Variants in UBXN7 observed in about 807,000 individuals in gnomAD.
UBXN7 encodes the protein UBX domain protein 7.
In UBXN7, 9 loss-of-function variants were observed where a neutral mutation model predicts 58.0. That is an observed-to-expected ratio of 0.16 (90% CI 0.09 to 0.27). The LOEUF is 0.27. UBXN7 is among the 10% of genes least tolerant of loss of function. UBXN7 has a pLI of 1.00. For missense variants in UBXN7, 328 were observed against 599.6 expected, an observed-to-expected ratio of 0.55 and a Z score of 4.73; for synonymous variants, 208 against 205.0, an observed-to-expected ratio of 1.01 and a Z score of -0.12.
chr3:196,424,764 G>C (rs1487560562), intron 1 of UBXN7, among the ~76,000 whole-genome samples: 2 of 145,222 alleles, frequency 1.4e-5, no homozygotes, highest in Non-Finnish European at 3.0e-5. Context: ...GTGCAATGGC[G>C]TGATCTCAGC....
In UBXN7 at chr3:196,354,872, T is replaced by C. The variant is rs934946675; in HGVS notation, c.*1813A>G. ...ATATATTTATAAATATTTATACAAT[T>C]ATATACTTATACATAAGCACTTACA... On this transcript the variant is annotated 3_prime_UTR_variant, in exon 11 of 11. Transcript: ENST00000296328. 5.3e-5 allele frequency: 8 copies of C among 151,462 alleles called. No homozygotes were observed. The highest frequency in any genetic ancestry group is 1.0e-4 in the Non-Finnish European group (7 of 67,872). The allele number at this position is 151,462 out of a possible 1,614,324, so 9.4% of individuals were successfully genotyped here.
chr3:196,401,381 AT>A (rs999631015), intron 3 of UBXN7, among the ~76,000 whole-genome samples: 21 of 149,026 alleles, frequency 1.4e-4, no homozygotes, highest in African/African-American at 4.4e-4. Context: ...AAAAAGGTTT[AT>A]CTCATAAAAA....
intron 3 of UBXN7, 118 bp from the exon 4 acceptor site, chr3:196,393,737 A>C (rs1560232045): frequency 2.1e-6 from 2 of 955,068 alleles, no homozygotes; most frequent in Non-Finnish European, 1.5e-6. Context: ...CACGAACTGC[A>C]TGTCACCCTT....
intron 2 of UBXN7, among the ~76,000 whole-genome samples, chr3:196,404,479 G>T (rs1246704918): frequency 6.6e-6 from 1 of 151,902 alleles, no homozygotes; most frequent in African/African-American, 2.4e-5. Flanking sequence ...AGCCAGGATG[G>T]TCTCAATCTC....
intron 5 of UBXN7, among the ~76,000 whole-genome samples, chr3:196,376,052 A>G (rs1407193886): frequency 6.6e-6 from 1 of 152,196 alleles, no homozygotes; most frequent in Admixed American, 6.5e-5. Flanking sequence ...AAGAAAATGA[A>G]GGATTTGAAC....
At chr3:196,359,961 G>C (rs1406709510) in intron 10 of UBXN7, among the ~76,000 whole-genome samples, 3 of 151,608 alleles carry the variant, frequency 2.0e-5, no homozygotes, top group Non-Finnish European at 4.4e-5. Context: ...TGCTGAAAAG[G>C]AGAAAGTTTT....
chr3:196,368,385 G>C (rs1414459565), intron 7 of UBXN7, among the ~76,000 whole-genome samples: 1 of 151,716 alleles, frequency 6.6e-6, no homozygotes, highest in Admixed American at 6.6e-5. Flanking sequence ...TTAAAAACCA[G>C]GATCTATAAA....
intron 3 of UBXN7, among the ~76,000 whole-genome samples, chr3:196,398,917 G>A (rs774627852): frequency 5.3e-5 from 8 of 152,046 alleles, no homozygotes; most frequent in Non-Finnish European, 7.4e-5. Flanking sequence ...CAAAGTGTTC[G>A]GATTACAGGT....
At chr3:196,382,887 A>T (rs1479758358) in intron 5 of UBXN7, among the ~76,000 whole-genome samples, 1 of 152,162 alleles carries the variant, frequency 6.6e-6, no homozygotes, top group African/African-American at 2.4e-5. Flanking sequence ...AGGCCAAGGC[A>T]GGCAGATCAC....
At chr3:196,382,951 T>G (rs2108840176) in intron 5 of UBXN7, among the ~76,000 whole-genome samples, 1 of 151,856 alleles carries the variant, frequency 6.6e-6, no homozygotes, top group African/African-American at 2.4e-5. Context: ...CCGTCTCTAC[T>G]AAAAATACAA....
chr3:196,375,466 TAATTG>T (rs987503088), intron 5 of UBXN7, among the ~76,000 whole-genome samples: 1 of 152,058 alleles, frequency 6.6e-6, no homozygotes, highest in Admixed American at 6.5e-5. Context: ...AGATTTAAAA[TAATTG>T]AATATATGCA....
intron 1 of UBXN7, among the ~76,000 whole-genome samples, chr3:196,417,131 G>A (rs1006829019): frequency 2.0e-5 from 3 of 152,146 alleles, no homozygotes; most frequent in Admixed American, 2.0e-4. Context: ...GGCTAACACG[G>A]TGAAACCCCG....
At chr3:196,371,002 T>A (rs1424872762) in intron 6 of UBXN7, among the ~76,000 whole-genome samples, 1 of 152,048 alleles carries the variant, frequency 6.6e-6, no homozygotes, top group Non-Finnish European at 1.5e-5. Flanking sequence ...GCAGCCTGGG[T>A]GACAGAGCAA....
chr3:196,397,567 A>T (rs1226640561), intron 3 of UBXN7: 1 of 152,322 alleles, frequency 6.6e-6, no homozygotes, highest in African/African-American at 2.4e-5. Context: ...CACAGGCACA[A>T]TCCCACTACT....
rs896885912 is a variant in UBXN7 at position 196,348,001 on chromosome 3, C to T, written c.*8684G>A. On this transcript the variant is annotated 3_prime_UTR_variant, in exon 11 of 11. Coordinates refer to ENST00000296328, the MANE Select transcript of UBXN7 (RefSeq NM_015562.2). ...CCTTCTGGAAATTATTACCTATAGA[C>T]TAGGTAGATCTATAGGTAGATCACA... 2 of 152,152 alleles carry T rather than the reference C, an allele frequency of 1.3e-5. No individual in the cohort carries two copies. Among genetic ancestry groups the T allele is most frequent in the Non-Finnish European group, 2.9e-5 (2 of 68,044 alleles). 9.4% of individuals were successfully genotyped at this position (152,152 alleles called of 1,614,324 possible).
intron 1 of UBXN7, among the ~76,000 whole-genome samples, chr3:196,409,982 C>T (rs1178970347): frequency 6.6e-6 from 1 of 151,474 alleles, no homozygotes; most frequent in East Asian, 1.9e-4. Context: ...CTCTCATCAC[C>T]CAGGCTGGAG....
intron 5 of UBXN7, among the ~76,000 whole-genome samples, chr3:196,376,367 G>A (rs1729017884): frequency 6.6e-6 from 1 of 151,720 alleles, no homozygotes; most frequent in Admixed American, 6.6e-5. Context: ...ATATGGTGGT[G>A]AAACCTCGTC....
chr3:196,432,271 G>A (rs1337705342), intron 1 of UBXN7, 56 bp downstream of exon 1: 2 of 1,605,730 alleles, frequency 1.2e-6, no homozygotes, highest in African/African-American at 1.3e-5. Flanking sequence ...GCCCGGGGCA[G>A]ACCCGCTGCC....
At chr3:196,379,616 A>G (rs2108838381) in intron 5 of UBXN7, among the ~76,000 whole-genome samples, 1 of 152,332 alleles carries the variant, frequency 6.6e-6, no homozygotes, top group South Asian at 2.1e-4. Context: ...CATTCAGAGT[A>G]GAGAGGACCT....
Sources: allele counts gnomAD v4.1 joint callset (sites outside exome capture counted in the v4.1 genomes callset), GRCh38; gene constraint gnomAD v4.1.1; transcripts MANE v1.5; gene names NCBI Gene and HGNC (gene_info 2026-07-23, HGNC 2026-07-21).